Variants in DAAM2 observed in about 807,000 individuals in gnomAD.
DAAM2 encodes dishevelled associated activator of morphogenesis 2.
Under a neutral mutation model 120.7 loss-of-function variants are expected in DAAM2, and 39 were observed. The observed-to-expected ratio is 0.32, with a 90% CI of 0.25 to 0.42. The LOEUF is 0.42. Among genes scored for constraint, DAAM2 ranks in the 10% least tolerant of loss-of-function variants. The pLI, the probability that DAAM2 is intolerant of heterozygous loss-of-function variation, is 1.00. For synonymous variants in DAAM2, 488 were observed against 524.9 expected (o/e 0.93, Z 0.96); for missense variants, 1,283 against 1,401.7 (o/e 0.92, Z 1.35).
chr6:39,856,984 C>T (rs1764033999), intron 2 of DAAM2, among the ~76,000 whole-genome samples: 1 of 152,164 alleles, frequency 6.6e-6, no homozygotes, highest in Non-Finnish European at 1.5e-5. Flanking sequence ...CCAGTTCAGG[C>T]CTGGGATGAT....
At chr6:39,876,714 T>TGC (rs1764882645) in intron 11 of DAAM2, among the ~76,000 whole-genome samples, 1 of 103,330 alleles carries the variant, frequency 9.7e-6, no homozygotes, top group African/African-American at 3.6e-5. Context: ...AGGGTGTGTG[T>TGC]GTGTGTGTGT....
intron 1 of DAAM2, chr6:39,823,135 G>T (rs1327747683): frequency 6.6e-6 from 1 of 152,126 alleles, no homozygotes. Flanking sequence ...GGCACCGAGT[G>T]GTTTCCTAAA....
At chr6:39,872,988 C>G (rs1339288002) in intron 9 of DAAM2, among the ~76,000 whole-genome samples, 2 of 152,200 alleles carry the variant, frequency 1.3e-5, no homozygotes, top group African/African-American at 2.4e-5. Context: ...CTACAAAGCA[C>G]AGGGCAGCCC....
chr6:39,896,785 G>T, intron 19 of DAAM2, 27 bp from the exon 20 acceptor site: 1 of 1,535,882 alleles, frequency 6.5e-7, no homozygotes, highest in Non-Finnish European at 8.8e-7. Context: ...GCCCATGCAG[G>T]CCTCTGACCT....
chr6:39,809,313 T>C (rs72855660), intron 1 of DAAM2, among the ~76,000 whole-genome samples: 4,028 of 152,280 alleles, frequency 0.026, 72 homozygotes, highest in Non-Finnish European at 0.042. Context: ...TCCCTGAGTT[T>C]CTTAATTTAC....
rs778326747 is a variant in DAAM2 at position 39,856,356 on chromosome 6, G to A, written c.54G>A (p.Gly18=). ...GCCTGGGCTTCCTGTGCTGCTTCGG[G>A]GGCAGTGACATCCCCGAAATCAACC... ...HHGLGFLCCF[G]GSDIPEINLR... The change falls in exon 2 of 25, where the codon GGG becomes GGA. Residue 18 remains glycine (G), a synonymous_variant. Coordinates refer to ENST00000274867, the MANE Select transcript of DAAM2 (RefSeq NM_001201427.2). The A allele has an allele frequency of 1.4e-5, 21 of 1,553,966 alleles. No homozygotes were observed. In the South Asian group the frequency reaches 1.9e-4, roughly 14 times the overall value.
intron 8 of DAAM2, among the ~76,000 whole-genome samples, 176 bp from the exon 9 acceptor site, chr6:39,871,330 T>C (rs563337347): frequency 6.8e-4 from 104 of 152,266 alleles, no homozygotes; most frequent in South Asian, 1.2e-3. Flanking sequence ...TGGGATCTTA[T>C]AAAGGGCAGA....
At chr6:39,857,285 A>T (rs1352847902) in intron 2 of DAAM2, among the ~76,000 whole-genome samples, 1 of 152,210 alleles carries the variant, frequency 6.6e-6, no homozygotes, top group East Asian at 1.9e-4. Flanking sequence ...TTGGTCACTC[A>T]TTCTGTGGTG....
Position 39,802,406 on chromosome 6 carries a change from C to A in DAAM2, c.-57+9941C>A, listed in dbSNP as rs79904892. Among the ~76,000 whole-genome samples, 8 of 152,164 alleles carry A rather than the reference C, an allele frequency of 5.3e-5. No individual in the cohort carries two copies. In the East Asian group the frequency reaches 1.4e-3, roughly 26 times the overall value. On this transcript the variant is annotated intron_variant, in intron 1 of 24. Coordinates refer to ENST00000274867, the MANE Select transcript of DAAM2 (RefSeq NM_001201427.2). ...TGCCTTAGTTTCCTCATCTGCAAAG[C>A]AGATTGTTTTGGAGGTAAAGTTAAT...
At chr6:39,832,151 A>G (rs1483099294) in intron 1 of DAAM2, among the ~76,000 whole-genome samples, 1 of 151,888 alleles carries the variant, frequency 6.6e-6, no homozygotes, top group Non-Finnish European at 1.5e-5. Context: ...ACTCCTCTGC[A>G]GCTCCCTTGG....
rs1376140449 is a variant in DAAM2 at position 39,875,410 on chromosome 6, G to C, written c.1243G>C (p.Gly415Arg). The C allele has an allele frequency of 1.2e-6, 2 of 1,613,826 alleles. No homozygotes were observed. The highest frequency in any genetic ancestry group is 1.3e-5 in the African/African-American group (1 of 74,904). ...GCAGATTGTCCTCCAGGATGAGCGGGGTGTGGACCCTGACCTGGCTCCCTT... is the reference window on the plus strand; with the variant it reads ...GCAGATTGTCCTCCAGGATGAGCGGCGTGTGGACCCTGACCTGGCTCCCTT... Reference protein sequence around the residue: ...LQQIVLQDERGVDPDLAPLEN... With the variant: ...LQQIVLQDERRVDPDLAPLEN... The change falls in exon 11 of 25, where the codon GGT (glycine) becomes CGT (arginine). Residue 415 changes from glycine (G) to arginine (R), a missense_variant. Coordinates refer to ENST00000274867, the MANE Select transcript of DAAM2 (RefSeq NM_001201427.2).
intron 8 of DAAM2, 91 bp downstream of exon 8, chr6:39,870,534 C>T: frequency 1.2e-6 from 1 of 802,174 alleles, no homozygotes; most frequent in Non-Finnish European, 2.1e-6. Context: ...CTGCCCTTCC[C>T]TCTGGAGACC....
At chr6:39,899,029 A>ACAATGGGC (rs1562066450) in intron 22 of DAAM2, 92 bp downstream of exon 22, 3 of 883,812 alleles carry the variant, frequency 3.4e-6, no homozygotes, top group East Asian at 5.3e-5. Flanking sequence ...AGGGGCAAAA[A>ACAATGGGC]ACAATGGGTA....
chr6:39,891,540 G>A, intron 18 of DAAM2, 93 bp downstream of exon 18: 3 of 1,507,816 alleles, frequency 2.0e-6, no homozygotes, highest in Non-Finnish European at 9.1e-7. Context: ...ATGGAGGTGG[G>A]CAGGCTTGAG....
intron 5 of DAAM2, among the ~76,000 whole-genome samples, chr6:39,865,910 A>G (rs1211350053): frequency 6.6e-6 from 1 of 152,226 alleles, no homozygotes; most frequent in African/African-American, 2.4e-5. Context: ...TGGAAACACT[A>G]TGAAATATGC....
At chr6:39,828,028 T>A (rs1299662826) in intron 1 of DAAM2, among the ~76,000 whole-genome samples, 1 of 152,154 alleles carries the variant, frequency 6.6e-6, no homozygotes, top group African/African-American at 2.4e-5. Context: ...GTAGTAGGGT[T>A]CCCTCTCACC....
chr6:39,899,442 T>G, intron 22 of DAAM2: 1 of 164,336 alleles, frequency 6.1e-6, no homozygotes, highest in Non-Finnish European at 1.3e-5. Flanking sequence ...AGTAGAGGAG[T>G]GGGGAAGTGA....
At chr6:39,863,737 C>T (rs755084439) in intron 3 of DAAM2, among the ~76,000 whole-genome samples, 3 of 152,126 alleles carry the variant, frequency 2.0e-5, no homozygotes, top group Non-Finnish European at 4.4e-5. Flanking sequence ...GGGGAAGAGT[C>T]GAGCCTGTCT....
chr6:39,893,777 T>C (rs1009027405), intron 19 of DAAM2, among the ~76,000 whole-genome samples: 2 of 152,192 alleles, frequency 1.3e-5, no homozygotes, highest in Non-Finnish European at 2.9e-5. Context: ...CAGATCAGTG[T>C]GTGTGACTAT....
Sources: allele counts gnomAD v4.1 joint callset (sites outside exome capture counted in the v4.1 genomes callset), GRCh38; gene constraint gnomAD v4.1.1; transcripts MANE v1.5; gene names NCBI Gene and HGNC (gene_info 2026-07-23, HGNC 2026-07-21).